PSMD14: variants seen among roughly 807,000 people sequenced by gnomAD.
The protein encoded by PSMD14 is ubiquitin C-terminal hydrolase PSMD14.
In PSMD14, 7 loss-of-function variants were observed where a neutral mutation model predicts 41.2. The ratio of observed to expected loss-of-function variants is 0.17; its 90% CI spans 0.10 to 0.32. The LOEUF is 0.32. PSMD14 is among the 10% of genes least tolerant of loss of function. PSMD14 has a pLI of 1.00. For missense variants in PSMD14, 139 were observed against 375.6 expected, an observed-to-expected ratio of 0.37 and a Z score of 5.21; for synonymous variants, 114 against 122.3, an observed-to-expected ratio of 0.93 and a Z score of 0.45.
intron 3 of PSMD14, among the ~76,000 whole-genome samples, chr2:161,331,949 G>A (rs1682797379): frequency 6.6e-6 from 1 of 152,166 alleles, no homozygotes; most frequent in Non-Finnish European, 1.5e-5. Flanking sequence ...TGGAGCTAGA[G>A]CTGGAACACA....
At chr2:161,310,827 C>G (rs1432777834) in intron 1 of PSMD14, among the ~76,000 whole-genome samples, 1 of 152,166 alleles carries the variant, frequency 6.6e-6, no homozygotes, top group Non-Finnish European at 1.5e-5. Flanking sequence ...CTTTTTCACT[C>G]TACACTGCTG....
intron 7 of PSMD14, among the ~76,000 whole-genome samples, chr2:161,374,459 C>T (rs1394931806): frequency 1.3e-5 from 2 of 151,834 alleles, no homozygotes; most frequent in African/African-American, 4.8e-5. Context: ...ATCTGTAACC[C>T]TCTGCATATT....
At chr2:161,360,630 C>T (rs569895615) in intron 3 of PSMD14, among the ~76,000 whole-genome samples, 8 of 152,298 alleles carry the variant, frequency 5.3e-5, no homozygotes, top group Non-Finnish European at 1.2e-4. Context: ...GCTGGGATTA[C>T]AGGCATGAGC....
chr2:161,320,156 T>G (rs1257088418), intron 3 of PSMD14, among the ~76,000 whole-genome samples: 1 of 152,334 alleles, frequency 6.6e-6, no homozygotes, highest in East Asian at 1.9e-4. Flanking sequence ...ATGTGAGAAG[T>G]GAGCAGAGGT....
chr2:161,336,598 C>T (rs754711433), intron 3 of PSMD14, among the ~76,000 whole-genome samples: 13 of 152,070 alleles, frequency 8.5e-5, no homozygotes, highest in East Asian at 3.9e-4. Context: ...TATTTTGAGA[C>T]GGAATCTTGC....
chr2:161,335,590 T>G (rs951323439), intron 3 of PSMD14, among the ~76,000 whole-genome samples: 3 of 152,252 alleles, frequency 2.0e-5, no homozygotes, highest in African/African-American at 7.2e-5. Flanking sequence ...TCCCATTTTT[T>G]TAGACAAACC....
At chr2:161,396,551 T>C (rs569827270) in intron 10 of PSMD14, among the ~76,000 whole-genome samples, 1 of 152,244 alleles carries the variant, frequency 6.6e-6, no homozygotes, top group African/African-American at 2.4e-5. Flanking sequence ...TACCACATCA[T>C]CTCACTTATA....
At chr2:161,392,351 A>G (rs1683723922) in intron 9 of PSMD14, among the ~76,000 whole-genome samples, 2 of 152,180 alleles carry the variant, frequency 1.3e-5, no homozygotes, top group African/African-American at 4.8e-5. Context: ...TCAGTAGCAA[A>G]TAAGATCATT....
intron 3 of PSMD14, among the ~76,000 whole-genome samples, chr2:161,333,591 A>G (rs892578994): frequency 3.3e-5 from 5 of 152,240 alleles, no homozygotes; most frequent in Admixed American, 6.5e-5. Flanking sequence ...ATGAGAATGC[A>G]GTGTAAATGT....
At chr2:161,347,385 C>G (rs6755815) in intron 3 of PSMD14, among the ~76,000 whole-genome samples, 1 of 152,042 alleles carries the variant, frequency 6.6e-6, no homozygotes, top group Non-Finnish European at 1.5e-5. Flanking sequence ...CTCAAGGAAT[C>G]CTCCTGCTCC....
At chr2:161,384,111 T>A (rs1683604136) in intron 7 of PSMD14, 1 of 151,674 alleles carries the variant, frequency 6.6e-6, no homozygotes, top group African/African-American at 2.4e-5. Context: ...TTAATTCATG[T>A]TCTGGGGATA....
At chr2:161,383,124 GTC>G (rs998421832) in intron 7 of PSMD14, 1 of 151,468 alleles carries the variant, frequency 6.6e-6, no homozygotes, top group African/African-American at 2.4e-5. Flanking sequence ...ACATTAATGA[GTC>G]TATTTTGATA....
intron 3 of PSMD14, among the ~76,000 whole-genome samples, chr2:161,320,220 A>G (rs1689188269): frequency 6.6e-6 from 1 of 152,244 alleles, no homozygotes; most frequent in Admixed American, 6.5e-5. Flanking sequence ...ATGTTGCCTT[A>G]GAATTCTTAA....
At position 161,377,352 on chromosome 2, in the gene PSMD14, A is replaced by G. The variant is rs532214006; in HGVS notation, c.462+6030A>G. 2.1e-3 allele frequency among the ~76,000 whole-genome samples: 322 copies of G among 151,928 alleles called. 1 individual carries two copies. The highest frequency in any genetic ancestry group is 1.9e-3 in the Non-Finnish European group (126 of 67,844). On this transcript the variant is annotated intron_variant, in intron 7 of 11. Coordinates refer to ENST00000409682, the MANE Select transcript of PSMD14 (RefSeq NM_005805.6). ...ACCCTTCCAAGGTATTCTTGGAACAAGTTTTGTTACTGTATTATCTTTTGT... is the reference window on the plus strand; with the variant it reads ...ACCCTTCCAAGGTATTCTTGGAACAGGTTTTGTTACTGTATTATCTTTTGT...
At chr2:161,364,454 G>T (rs950279693) in intron 3 of PSMD14, among the ~76,000 whole-genome samples, 3 of 152,086 alleles carry the variant, frequency 2.0e-5, no homozygotes, top group Admixed American at 1.3e-4. Flanking sequence ...GTCCATGAGC[G>T]CAGGCCTGGT....
chr2:161,369,994 A>G, intron 5 of PSMD14, 113 bp from the exon 6 acceptor site: 2 of 674,470 alleles, frequency 3.0e-6, no homozygotes, highest in Non-Finnish European at 4.9e-6. Context: ...GTAGGTATCA[A>G]ATGTAGGTAT....
chr2:161,401,778 C>CATTATT lies in PSMD14; in HGVS notation c.771+6588_771+6593dup, dbSNP rs34830575. ...GCCACTTAATAAATCATGCATTTGA[C>CATTATT]ATTATTATTATTATTATTCAGGTTG... On this transcript the variant is annotated intron_variant, in intron 10 of 11. Transcript: ENST00000409682. Among the ~76,000 whole-genome samples the CATTATT allele has an allele frequency of 2.3e-3, 346 of 151,052 alleles. 1 individual carries two copies. The highest frequency in any genetic ancestry group is 5.7e-3 in the African/African-American group (235 of 41,172).
intron 9 of PSMD14, 70 bp from the exon 10 acceptor site, chr2:161,395,005 GTTT>G: frequency 8.2e-7 from 1 of 1,214,750 alleles, no homozygotes; most frequent in Non-Finnish European, 1.1e-6. Context: ...TTTTTTTGAA[GTTT>G]TTTTTCTCTA....
Position 161,367,460 on chromosome 2 carries a change from T to G in PSMD14, c.49-18T>G, listed in dbSNP as rs1683375104. On this transcript the variant is annotated intron_variant, in intron 3 of 11. Transcript: ENST00000409682. ...ACTCTGTGTTTGTTTTAATAATAAT[T>G]GATGTATTTGTTTCTAGGGGCCACC... 4.5e-6 allele frequency: 7 copies of G among 1,552,472 alleles called. 1 individual carries two copies. The South Asian group carries it at 7.1e-5, about 16-fold the overall frequency.
Sources: gnomAD v4.1 joint callset for allele counts (sites outside exome capture counted in the v4.1 genomes callset) on GRCh38, gnomAD v4.1.1 for gene constraint, MANE v1.5 for transcripts, NCBI Gene and HGNC (gene_info 2026-07-23, HGNC 2026-07-21) for gene names.